TASP1: variants seen among roughly 807,000 people sequenced by gnomAD.
TASP1 encodes threonine aspartase 1.
In TASP1, 16 loss-of-function variants were observed where a neutral mutation model predicts 56.6. That is an observed-to-expected ratio of 0.28 (90% CI 0.19 to 0.43). The LOEUF is 0.43. Ranked by LOEUF, TASP1 falls within the 20% of genes least tolerant of loss-of-function variation. The pLI is 1.00. For missense variants in TASP1, 393 were observed against 511.6 expected (o/e 0.77, Z 2.24); for synonymous variants, 179 against 184.2 (o/e 0.97, Z 0.23).
chr20:13,170,277 GA>G, the TASP1 span, among the ~76,000 whole-genome samples: 1 of 152,088 alleles, frequency 6.6e-6, no homozygotes, highest in South Asian at 2.1e-4. Flanking sequence ...TTTTTTCTTA[GA>G]ATGTTTATCC....
chr20:13,359,556 C>T, the TASP1 span, among the ~76,000 whole-genome samples: 3 of 151,386 alleles, frequency 2.0e-5, no homozygotes, highest in South Asian at 6.3e-4. Context: ...ACACACTCCA[C>T]ATTACCTTCT....
downstream of TASP1, among the ~76,000 whole-genome samples, chr20:13,386,806 T>C (rs148367331): frequency 2.6e-3 from 400 of 152,328 alleles, no homozygotes; most frequent in Non-Finnish European, 4.4e-3. Flanking sequence ...TATTTATACA[T>C]ACTTTGTAAA....
At chr20:13,169,761 C>A in the TASP1 span, among the ~76,000 whole-genome samples, 9 of 152,066 alleles carry the variant, frequency 5.9e-5, no homozygotes, top group African/African-American at 2.2e-4. Flanking sequence ...CACCTATTAC[C>A]CAGCTTCAAA....
chr20:13,159,178 C>T, the TASP1 span, among the ~76,000 whole-genome samples: 1 of 152,172 alleles, frequency 6.6e-6, no homozygotes, highest in East Asian at 1.9e-4. Flanking sequence ...AAGAAATAGA[C>T]TAGAAGGATA....
chr20:13,566,055 T>A (rs1403711994), intron 7 of TASP1, among the ~76,000 whole-genome samples: 2 of 152,198 alleles, frequency 1.3e-5, no homozygotes, highest in Non-Finnish European at 1.5e-5. Flanking sequence ...GGATGAACCT[T>A]GAAGAAGTCA....
At chr20:13,329,232 G>C in the TASP1 span, among the ~76,000 whole-genome samples, 1 of 152,212 alleles carries the variant, frequency 6.6e-6, no homozygotes, top group Non-Finnish European at 1.5e-5. Context: ...ACTTCAGAAT[G>C]TGACTATATT....
At position 13,390,877 on chromosome 20, in the gene TASP1, C is replaced by A. The variant is rs12479849; in HGVS notation, c.1171-425G>T. Among the ~76,000 whole-genome samples, 483 of 152,144 alleles carry A rather than the reference C, an allele frequency of 3.2e-3. 1 individual carries two copies. Among genetic ancestry groups the A allele is most frequent in the East Asian group, 0.01 (53 of 5,182 alleles). ...AAGGATACTTAATTCATGTTTATAT[C>A]CCAAATTTATTCCTTAAAGAATTTC... On this transcript the variant is annotated intron_variant, in intron 13 of 13. Transcript: ENST00000337743.
chr20:13,105,079 A>G, the TASP1 span, among the ~76,000 whole-genome samples: 6 of 152,172 alleles, frequency 3.9e-5, no homozygotes, highest in Non-Finnish European at 5.9e-5. Context: ...CCTACAGAAC[A>G]TAAATCACAA....
chr20:13,333,875 A>G, the TASP1 span, among the ~76,000 whole-genome samples: 1 of 152,206 alleles, frequency 6.6e-6, no homozygotes, highest in Non-Finnish European at 1.5e-5. Flanking sequence ...AACATCAATT[A>G]TGATACTTCC....
At chr20:13,410,417 T>C (rs1022897263) in intron 13 of TASP1, among the ~76,000 whole-genome samples, 13 of 152,210 alleles carry the variant, frequency 8.5e-5, no homozygotes, top group African/African-American at 2.9e-4. Context: ...TTGTTTCCCA[T>C]AGTGGCTGTA....
At chr20:13,530,287 G>A (rs991715123) in intron 9 of TASP1, among the ~76,000 whole-genome samples, 4 of 152,096 alleles carry the variant, frequency 2.6e-5, no homozygotes, top group South Asian at 2.1e-4. Flanking sequence ...AGAACTGAGC[G>A]GGATACTCTC....
chr20:13,536,601 T>C (rs938495870), intron 8 of TASP1, among the ~76,000 whole-genome samples: 2 of 152,208 alleles, frequency 1.3e-5, no homozygotes, highest in East Asian at 1.9e-4. Flanking sequence ...TACTGAGTTT[T>C]TATTGACAGA....
At chr20:13,437,192 G>T (rs2043035095) in intron 11 of TASP1, among the ~76,000 whole-genome samples, 1 of 152,136 alleles carries the variant, frequency 6.6e-6, no homozygotes, top group Non-Finnish European at 1.5e-5. Flanking sequence ...TGGGATGCAA[G>T]GCTGGTTCAA....
At chr20:13,111,059 T>C in the TASP1 span, among the ~76,000 whole-genome samples, 1 of 152,114 alleles carries the variant, frequency 6.6e-6, no homozygotes, top group Non-Finnish European at 1.5e-5. Flanking sequence ...TGTGCCTTTA[T>C]TCCTTTTAAG....
intron 12 of TASP1, among the ~76,000 whole-genome samples, chr20:13,423,200 T>C (rs2042506169): frequency 6.6e-6 from 1 of 152,212 alleles, no homozygotes; most frequent in South Asian, 2.1e-4. Flanking sequence ...GAGGAAGCTC[T>C]ACATGGATAT....
chr20:13,200,369 T>C, the TASP1 span, among the ~76,000 whole-genome samples: 2,195 of 152,286 alleles, frequency 0.014, 32 homozygotes, highest in South Asian at 0.03. Flanking sequence ...GCAAAGGGTG[T>C]CATCTCTACT....
chr20:13,576,063 A>G (rs1298226165), intron 6 of TASP1, among the ~76,000 whole-genome samples: 2 of 151,692 alleles, frequency 1.3e-5, no homozygotes, highest in Admixed American at 6.6e-5. Context: ...TTAGCAGGGC[A>G]TGGTGGTGCA....
At chr20:13,515,054 CCTTT>C (rs1483885629) in intron 10 of TASP1, among the ~76,000 whole-genome samples, 1 of 152,106 alleles carries the variant, frequency 6.6e-6, no homozygotes, top group African/African-American at 2.4e-5. Context: ...CAGCACTATG[CCTTT>C]CTAACCCCTC....
chr20:13,336,847 G>T, the TASP1 span, among the ~76,000 whole-genome samples: 1 of 152,228 alleles, frequency 6.6e-6, no homozygotes, highest in Admixed American at 6.5e-5. Flanking sequence ...ACACCAGAAT[G>T]GTTCCAGTGT....
Sources: allele counts gnomAD v4.1 joint callset (sites outside exome capture counted in the v4.1 genomes callset), GRCh38; gene constraint gnomAD v4.1.1; transcripts MANE v1.5; gene names NCBI Gene and HGNC (gene_info 2026-07-23, HGNC 2026-07-21).